Variants in PCDHA1 observed in about 807,000 individuals in gnomAD.
PCDHA1 encodes the protein protocadherin alpha-1.
In PCDHA1, 42 loss-of-function variants were observed where a neutral mutation model predicts 61.3. The observed-to-expected ratio is 0.69, with a 90% CI of 0.54 to 0.89. The LOEUF (loss-of-function observed/expected upper bound fraction) is 0.89, where lower values mean the gene tolerates loss of function less well. Among genes scored for constraint, PCDHA1 ranks in the 40% least tolerant of loss-of-function variants. The pLI is 0.00. For synonymous variants in PCDHA1, 610 were observed against 553.8 expected, an observed-to-expected ratio of 1.10 and a Z score of -1.43; for missense variants, 1,256 against 1,235.3, an observed-to-expected ratio of 1.02 and a Z score of -0.25.
chr5:140,853,963 A>G (rs1458848768), intron 1 of PCDHA1: 2 of 685,274 alleles, frequency 2.9e-6, no homozygotes, highest in African/African-American at 2.0e-5. Flanking sequence ...CCTTGAGCCC[A>G]GCAGTTTGAG....
chr5:140,891,604 C>T (rs1554184885), intron 1 of PCDHA1, among the ~76,000 whole-genome samples: 2 of 152,172 alleles, frequency 1.3e-5, no homozygotes, highest in African/African-American at 4.8e-5. Flanking sequence ...CCATCTATTT[C>T]TACCTTTTAT....
chr5:140,863,417 G>A (rs182048002), intron 1 of PCDHA1: 5 of 701,164 alleles, frequency 7.1e-6, no homozygotes, highest in Non-Finnish European at 9.9e-6. Flanking sequence ...CTGGTGTACC[G>A]CAGCGTAGTG....
At chr5:140,807,032 A>T in intron 1 of PCDHA1, 1 of 901,256 alleles carries the variant, frequency 1.1e-6, no homozygotes, top group Non-Finnish European at 1.7e-6. Flanking sequence ...AAGGAGGAAG[A>T]AGGGAAAATT....
At chr5:140,999,400 A>G (rs1331954466) in intron 3 of PCDHA1, among the ~76,000 whole-genome samples, 2 of 152,150 alleles carry the variant, frequency 1.3e-5, no homozygotes, top group Admixed American at 6.5e-5. Flanking sequence ...TGTTTTGCAT[A>G]TGAAAGAATG....
chr5:140,843,306 C>G, intron 1 of PCDHA1: 1 of 1,596,008 alleles, frequency 6.3e-7, no homozygotes, highest in East Asian at 2.2e-5. Context: ...CTGACCGCCA[C>G]GGCCACGGTT....
In PCDHA1 at chr5:140,822,613, T is replaced by C. The variant is rs2150117773; in HGVS notation, c.2394+33929T>C. On this transcript the variant is annotated intron_variant, in intron 1 of 3. Coordinates refer to ENST00000504120, the MANE Select transcript of PCDHA1 (RefSeq NM_018900.4). ...CATCAATAAGGAAATAGTGTATTTCTTTAGTAATCTTGTTCTTGACGATGT... is the reference window on the plus strand; with the variant it reads ...CATCAATAAGGAAATAGTGTATTTCCTTAGTAATCTTGTTCTTGACGATGT... 7.5e-6 allele frequency: 12 copies of C among 1,609,036 alleles called. No individual in the cohort carries two copies. In the East Asian group the frequency reaches 2.7e-4, roughly 36 times the overall value.
intron 1 of PCDHA1, chr5:140,928,682 C>T (rs782513735): frequency 6.2e-7 from 1 of 1,614,174 alleles, no homozygotes; most frequent in Non-Finnish European, 8.5e-7. Flanking sequence ...GCCTGGCTTT[C>T]CTACCACATC....
chr5:140,966,382 G>A, intron 1 of PCDHA1: 1 of 403,884 alleles, frequency 2.5e-6, no homozygotes, highest in Non-Finnish European at 4.3e-6. Context: ...GTCCGGGTTC[G>A]CTGTCCGCCA....
intron 1 of PCDHA1, among the ~76,000 whole-genome samples, chr5:140,846,674 T>TA (rs1434317760): frequency 1.3e-5 from 2 of 149,408 alleles, no homozygotes; most frequent in East Asian, 3.9e-4. Context: ...GCGCCCAGCC[T>TA]AAAATGCTTT....
At position 140,856,169 on chromosome 5, in the gene PCDHA1, G is replaced by T. The variant is rs200441286; in HGVS notation, c.2394+67485G>T. ...CTCAGTCTACGAGGAGGCCAGACACGGCACCTTCGTGGGCCGCATCGCGCA... is the reference window on the plus strand; with the variant it reads ...CTCAGTCTACGAGGAGGCCAGACACTGCACCTTCGTGGGCCGCATCGCGCA... On this transcript the variant is annotated intron_variant, in intron 1 of 3. Transcript: ENST00000504120. 11 of 1,598,346 alleles carry T rather than the reference G, an allele frequency of 6.9e-6. 2 individuals are homozygous for T. Among genetic ancestry groups the T allele is most frequent in the Admixed American group, 1.7e-5 (1 of 59,282 alleles).
At chr5:140,985,391 C>T (rs2097149590) in intron 3 of PCDHA1, among the ~76,000 whole-genome samples, 1 of 152,136 alleles carries the variant, frequency 6.6e-6, no homozygotes, top group Non-Finnish European at 1.5e-5. Context: ...TCCAGTCACC[C>T]CAACTGTTCC....
chr5:140,850,923 A>AT lies in PCDHA1; in HGVS notation c.2394+62247dup, dbSNP rs2150502772. On this transcript the variant is annotated intron_variant, in intron 1 of 3. Coordinates refer to ENST00000504120, the MANE Select transcript of PCDHA1 (RefSeq NM_018900.4). ...TTCTAGCATTTTATTTATTTATATA[A>AT]TTTTTTTTCTTGAAAGATATTATCG... 4.0e-5 allele frequency: 61 copies of AT among 1,521,758 alleles called. 2 individuals are homozygous for AT. Among genetic ancestry groups the AT allele is most frequent in the Middle Eastern group, 2.1e-4 (1 of 4,736 alleles). The allele number at this position is 1,521,758 out of a possible 1,614,324, so 94.3% of individuals were successfully genotyped here. A position where few individuals can be genotyped will look rare whatever the true frequency, so the allele number is the denominator to read the frequency against.
chr5:140,867,064 T>C (rs890190808), intron 1 of PCDHA1: 7 of 152,176 alleles, frequency 4.6e-5, no homozygotes, highest in Admixed American at 1.3e-4. Flanking sequence ...CTACTTTATA[T>C]ATTCACAAAA....
chr5:140,949,764 G>A (rs1168507534), intron 1 of PCDHA1, among the ~76,000 whole-genome samples: 2 of 151,746 alleles, frequency 1.3e-5, no homozygotes, highest in African/African-American at 2.4e-5. Flanking sequence ...TCACATTAGT[G>A]TAATATTTGA....
chr5:140,883,447 C>A, intron 1 of PCDHA1: 1 of 1,614,168 alleles, frequency 6.2e-7, no homozygotes. Context: ...CGCCGCATGT[C>A]CCCTTCAAGC....
chr5:140,808,542 C>G, intron 1 of PCDHA1: 2 of 1,614,170 alleles, frequency 1.2e-6, no homozygotes, highest in Non-Finnish European at 1.7e-6. Context: ...AACGACAACG[C>G]TCCGGCGTTC....
intron 1 of PCDHA1, chr5:140,795,578 C>A: frequency 6.2e-7 from 1 of 1,614,142 alleles, no homozygotes; most frequent in Non-Finnish European, 8.5e-7. Flanking sequence ...AGAGAGGAAA[C>A]TGCTGAGGTT....
At chr5:140,885,581 G>A (rs984552337) in intron 1 of PCDHA1, among the ~76,000 whole-genome samples, 5 of 152,098 alleles carry the variant, frequency 3.3e-5, no homozygotes, top group African/African-American at 1.2e-4. Flanking sequence ...ATGTGGAATT[G>A]ATGCATCAAA....
intron 1 of PCDHA1, chr5:140,822,576 T>C (rs1047981826): frequency 1.2e-6 from 2 of 1,612,800 alleles, no homozygotes; most frequent in Non-Finnish European, 1.7e-6. Flanking sequence ...ACGCCTCAGA[T>C]GCAGATGAGG....
Sources: gnomAD v4.1 joint callset for allele counts (sites outside exome capture counted in the v4.1 genomes callset) on GRCh38, gnomAD v4.1.1 for gene constraint, MANE v1.5 for transcripts, NCBI Gene and HGNC (gene_info 2026-07-23, HGNC 2026-07-21) for gene names.